CPEB3: variants seen among roughly 807,000 people sequenced by gnomAD.
The protein encoded by CPEB3 is cytoplasmic polyadenylation element-binding protein 3.
In CPEB3, 20 loss-of-function variants were observed where a neutral mutation model predicts 67.2. The observed-to-expected ratio is 0.30, with a 90% confidence interval of 0.21 to 0.43. The LOEUF (loss-of-function observed/expected upper bound fraction) is 0.43. Among genes scored for constraint, CPEB3 ranks in the 20% least tolerant of loss-of-function variants. CPEB3 has a pLI of 1.00. For synonymous variants in CPEB3, 376 were observed against 393.1 expected, an observed-to-expected ratio of 0.96 and a Z score of 0.51; for missense variants, 746 against 968.6, an observed-to-expected ratio of 0.77 and a Z score of 3.05.
intron 7 of CPEB3, among the ~76,000 whole-genome samples, chr10:92,093,012 T>C (rs1843686872): frequency 6.6e-6 from 1 of 152,238 alleles, no homozygotes. Context: ...TTTAGAATTT[T>C]AACCTTAAAA....
chr10:92,118,911 G>A, intron 6 of CPEB3: 3 of 1,015,994 alleles, frequency 3.0e-6, no homozygotes, highest in Non-Finnish European at 4.7e-6. Context: ...TCTCTTTTTG[G>A]CATGTCAGCC....
At chr10:92,282,526 A>G (rs1053824038) in intron 1 of CPEB3, among the ~76,000 whole-genome samples, 1 of 151,998 alleles carries the variant, frequency 6.6e-6, no homozygotes, top group Non-Finnish European at 1.5e-5. Flanking sequence ...CATCTCTACT[A>G]AAAATACAAA....
chr10:92,278,057 G>C (rs1452627546), intron 1 of CPEB3, among the ~76,000 whole-genome samples: 2 of 151,548 alleles, frequency 1.3e-5, no homozygotes, highest in East Asian at 3.9e-4. Flanking sequence ...ATGGTGGCGG[G>C]TGCCTGTAAT....
chr10:92,084,554 C>G (rs546516945), intron 8 of CPEB3, among the ~76,000 whole-genome samples: 9 of 151,880 alleles, frequency 5.9e-5, no homozygotes, highest in Non-Finnish European at 1.3e-4. Flanking sequence ...CCCTCTCTAC[C>G]CTCATCTGTA....
intron 1 of CPEB3, among the ~76,000 whole-genome samples, chr10:92,244,500 C>T (rs1255895566): frequency 1.3e-5 from 2 of 151,078 alleles, no homozygotes; most frequent in South Asian, 2.1e-4. Flanking sequence ...TACAGTGGTG[C>T]GATCTCAGCT....
chr10:92,089,071 T>C (rs570029565), intron 8 of CPEB3, among the ~76,000 whole-genome samples: 1 of 152,350 alleles, frequency 6.6e-6, no homozygotes, highest in East Asian at 1.9e-4. Context: ...TCAGTGCCAG[T>C]AATACAGTAG....
chr10:92,170,584 C>T (rs1847953667), intron 4 of CPEB3, among the ~76,000 whole-genome samples: 1 of 146,102 alleles, frequency 6.8e-6, no homozygotes. Context: ...TTCAGTAGCA[C>T]ATTGCTAAAT....
At chr10:92,246,823 T>C (rs1003387040) in intron 1 of CPEB3, among the ~76,000 whole-genome samples, 1 of 152,202 alleles carries the variant, frequency 6.6e-6, no homozygotes, top group Non-Finnish European at 1.5e-5. Flanking sequence ...TGTCAACTTG[T>C]AATCAGTAAC....
chr10:92,285,847 A>C (rs1210727718), intron 1 of CPEB3, among the ~76,000 whole-genome samples: 1 of 151,110 alleles, frequency 6.6e-6, no homozygotes, highest in South Asian at 2.1e-4. Flanking sequence ...CTTCTACATC[A>C]CTCTAAATTT....
At chr10:92,216,713 A>G (rs1850421897) in intron 2 of CPEB3, 1 of 1,606,698 alleles carries the variant, frequency 6.2e-7, no homozygotes, top group East Asian at 2.2e-5. Flanking sequence ...CTGTGTGATA[A>G]TGGTCAAGCC....
Position 92,052,305 on chromosome 10 carries a change from C to A in CPEB3, c.2004G>T (p.Ala668=). The change falls in exon 10 of 10, where the codon GCG becomes GCT. Residue 668 remains alanine (A), a synonymous_variant. Transcript: ENST00000265997. ...CLQYYCEYCW[A]SIHSRAGREF... ...CCCGCCCGGCTCGGGAATGTATGCT[C>A]GCCCAGCAGTATTCACAGTAATACT... The A allele has an allele frequency of 6.2e-7, 1 of 1,614,188 alleles. No homozygotes were observed. Among genetic ancestry groups the A allele is most frequent in the South Asian group, 1.1e-5 (1 of 91,086 alleles).
At chr10:92,224,899 A>G (rs1850889990) in intron 2 of CPEB3, among the ~76,000 whole-genome samples, 1 of 147,588 alleles carries the variant, frequency 6.8e-6, no homozygotes, top group Non-Finnish European at 1.5e-5. Flanking sequence ...ATTTAAAAAT[A>G]TATATATTTT....
chr10:92,289,319 C>A (rs1753867860), intron 1 of CPEB3, among the ~76,000 whole-genome samples: 1 of 151,926 alleles, frequency 6.6e-6, no homozygotes, highest in African/African-American at 2.4e-5. Context: ...GGGCTGATCG[C>A]CTGAGGTCAG....
chr10:92,142,160 A>C (rs1383372730), intron 6 of CPEB3, among the ~76,000 whole-genome samples: 2 of 152,170 alleles, frequency 1.3e-5, no homozygotes, highest in Non-Finnish European at 2.9e-5. Context: ...ACCGGACATA[A>C]AAGGAAGCCA....
At chr10:92,272,867 T>C (rs1406951213) in intron 1 of CPEB3, among the ~76,000 whole-genome samples, 1 of 152,170 alleles carries the variant, frequency 6.6e-6, no homozygotes, top group Non-Finnish European at 1.5e-5. Context: ...GGTCATTCTA[T>C]TGGGTAGTCA....
chr10:92,181,367 C>CAAAAAA (rs55896574), intron 3 of CPEB3, among the ~76,000 whole-genome samples: 41 of 95,388 alleles, frequency 4.3e-4, no homozygotes, highest in African/African-American at 6.0e-4. Flanking sequence ...ATTCAAGCAG[C>CAAAAAA]AAAAAAAAAA....
chr10:92,265,027 T>C (rs1402935563), intron 1 of CPEB3, among the ~76,000 whole-genome samples: 1 of 151,636 alleles, frequency 6.6e-6, no homozygotes, highest in Non-Finnish European at 1.5e-5. Context: ...TTAGGTGTGA[T>C]GGTGTGCGCC....
chr10:92,175,114 C>T (rs760433184), intron 4 of CPEB3, among the ~76,000 whole-genome samples: 3 of 151,730 alleles, frequency 2.0e-5, no homozygotes, highest in Non-Finnish European at 2.9e-5. Context: ...AAGATCTAAG[C>T]CCTCAATTTT....
intron 1 of CPEB3, among the ~76,000 whole-genome samples, chr10:92,260,240 C>T (rs1852729867): frequency 6.6e-6 from 1 of 152,140 alleles, no homozygotes; most frequent in South Asian, 2.1e-4. Context: ...CCCAGTCTTA[C>T]TGCAGGGTAT....
Sources: gnomAD v4.1 joint callset for allele counts (sites outside exome capture counted in the v4.1 genomes callset) on GRCh38, gnomAD v4.1.1 for gene constraint, MANE v1.5 for transcripts, NCBI Gene and HGNC (gene_info 2026-07-23, HGNC 2026-07-21) for gene names.